Variants in CARS2 observed in about 807,000 individuals in gnomAD.
CARS2 encodes probable cysteine--tRNA ligase, mitochondrial.
Under a neutral mutation model 68.8 loss-of-function variants are expected in CARS2, and 52 were observed. That is an observed-to-expected ratio of 0.76 (90% CI 0.61 to 0.95). The LOEUF is 0.95. CARS2 is among the 40% of genes least tolerant of loss of function. The pLI, the probability that CARS2 is intolerant of heterozygous loss-of-function variation, is 0.00. For synonymous variants in CARS2, 314 were observed against 303.6 expected, an observed-to-expected ratio of 1.03 and a Z score of -0.36; for missense variants, 780 against 754.2, an observed-to-expected ratio of 1.03 and a Z score of -0.40.
intron 9 of CARS2, among the ~76,000 whole-genome samples, chr13:110,660,589 C>T (rs2062476274): frequency 1.3e-5 from 2 of 152,176 alleles, no homozygotes. Context: ...TCCATCAAAG[C>T]TCCTGGATGA....
At chr13:110,646,969 C>T in intron 11 of CARS2, 132 bp downstream of exon 11, 2 of 1,116,832 alleles carry the variant, frequency 1.8e-6, no homozygotes, top group South Asian at 1.7e-5. Context: ...CCTCTCTGGG[C>T]AGTCCCTGAC....
intron 7 of CARS2, among the ~76,000 whole-genome samples, chr13:110,674,553 TAA>T (rs2062891589): frequency 2.0e-5 from 3 of 151,588 alleles, no homozygotes; most frequent in Admixed American, 2.0e-4. Context: ...TACACAAAAT[TAA>T]TTCAAGATGG....
At chr13:110,666,596 C>A (rs757945652) in intron 8 of CARS2, 2 of 985,280 alleles carry the variant, frequency 2.0e-6, no homozygotes, top group African/African-American at 3.5e-5. Flanking sequence ...CTGCTGCGGA[C>A]CAGAAAACCA....
chr13:110,659,550 T>C (rs116920613), intron 9 of CARS2, among the ~76,000 whole-genome samples: 1,626 of 152,100 alleles, frequency 0.011, 14 homozygotes, highest in Middle Eastern at 0.021. Flanking sequence ...TCAGACATAC[T>C]GAAGGGTTGG....
chr13:110,712,813 C>T (rs1287477662), intron 1 of CARS2: 12 of 829,640 alleles, frequency 1.4e-5, no homozygotes, highest in East Asian at 2.6e-5. Flanking sequence ...CTATCCACCT[C>T]TTCTGGGGCT....
rs1378733115 is a variant in CARS2, at chr13:110,676,796, A to G, written c.785+178T>C. Among the ~76,000 whole-genome samples the G allele has an allele frequency of 6.6e-6, 1 of 152,122 alleles. No homozygotes were observed. Among genetic ancestry groups the G allele is most frequent in the Non-Finnish European group, 1.5e-5 (1 of 68,002 alleles). ...TGAGGTCAGGAAAGCTTGATGTGTC[A>G]TGGGTTTCGTTCACCCCGTTCCATG... On this transcript the variant is annotated intron_variant, in intron 7 of 14. Transcript: ENST00000257347. This position sits in a 1 kb window ranked among gnomAD's most constrained non-coding sequence, Gnocchi z 4.0.
At chr13:110,659,579 A>C (rs1172622913) in intron 9 of CARS2, among the ~76,000 whole-genome samples, 2 of 152,156 alleles carry the variant, frequency 1.3e-5, no homozygotes, top group African/African-American at 2.4e-5. Flanking sequence ...CACCACAATA[A>C]AGCGAATATC....
At chr13:110,689,718 T>C (rs1056573733) in intron 3 of CARS2, among the ~76,000 whole-genome samples, 6 of 152,000 alleles carry the variant, frequency 3.9e-5, no homozygotes, top group Non-Finnish European at 5.9e-5. Flanking sequence ...AGAGAGAAAA[T>C]ACACAGCACC....
intron 2 of CARS2, among the ~76,000 whole-genome samples, chr13:110,702,684 G>A (rs1233910715): frequency 3.9e-5 from 6 of 152,232 alleles, no homozygotes; most frequent in Non-Finnish European, 8.8e-5. Context: ...AGAGCTGGCG[G>A]AATGCAGGGT....
chr13:110,713,141 TC>T (rs1244252936), exon 1 of CARS2: 1 of 1,429,880 alleles, frequency 7.0e-7, no homozygotes, highest in African/African-American at 1.4e-5. Context: ...ACTCACGGTC[TC>T]CCCGCCTCCT....
chr13:110,687,591 A>C (rs2063336230), intron 5 of CARS2, 130 bp downstream of exon 5: 1 of 605,270 alleles, frequency 1.7e-6, no homozygotes, highest in Non-Finnish European at 2.9e-6. Flanking sequence ...AGACGGGAGA[A>C]TCGCTTGAAC....
chr13:110,710,670 C>G (rs908372596), upstream of CARS2, among the ~76,000 whole-genome samples: 1 of 152,120 alleles, frequency 6.6e-6, no homozygotes, highest in African/African-American at 2.4e-5. Flanking sequence ...TGTTTTATTG[C>G]TTGATCTTCT....
intron 11 of CARS2, 71 bp downstream of exon 11, chr13:110,647,030 C>A: frequency 6.8e-7 from 1 of 1,473,808 alleles, no homozygotes; most frequent in South Asian, 1.3e-5. Flanking sequence ...TCTTCCCCTT[C>A]AAGAGCCCAC....
At chr13:110,647,031 A>T (rs996832388) in intron 11 of CARS2, 70 bp downstream of exon 11, 77 of 1,474,342 alleles carry the variant, frequency 5.2e-5, no homozygotes, top group Non-Finnish European at 6.8e-5. Context: ...CTTCCCCTTC[A>T]AGAGCCCACC....
At chr13:110,666,736 A>G (rs1207108709) in intron 8 of CARS2, 1 of 985,438 alleles carries the variant, frequency 1.0e-6, no homozygotes, top group Non-Finnish European at 1.2e-6. Context: ...TCCTATCACT[A>G]CCAAACACTC....
At chr13:110,713,454 C>G in exon 1 of CARS2, 2 of 991,508 alleles carry the variant, frequency 2.0e-6, no homozygotes, top group Non-Finnish European at 2.4e-6. Flanking sequence ...AAGTTTGCGC[C>G]TCGCCCGCCG....
intron 14 of CARS2, among the ~76,000 whole-genome samples, chr13:110,641,967 T>C (rs1021569573): frequency 6.6e-6 from 1 of 152,314 alleles, no homozygotes; most frequent in African/African-American, 2.4e-5. Context: ...TTTGGGAGGC[T>C]GAGGTGGGAG....
rs373225257 is a variant in CARS2 at position 110,653,757 on chromosome 13, T to G, written c.988-2657A>C. 7.2e-5 allele frequency among the ~76,000 whole-genome samples: 11 copies of G among 152,306 alleles called. No homozygotes were observed. The South Asian group carries it at 2.3e-3, about 32-fold the overall frequency. ...AATCTAATCTTTCTAGAGCATTGAG[T>G]TTATACGGACTAAAGGAGAAACATA... On this transcript the variant is annotated intron_variant, in intron 9 of 14. Transcript: ENST00000257347. The surrounding 1 kb of genome is among the most constrained non-coding windows in gnomAD (Gnocchi z 5.6).
intron 9 of CARS2, among the ~76,000 whole-genome samples, chr13:110,655,526 G>A (rs1014194523): frequency 1.3e-5 from 2 of 152,214 alleles, no homozygotes; most frequent in East Asian, 1.9e-4. Context: ...ACACGACTGT[G>A]TGTGAAGGGA....
Sources: gnomAD v4.1 joint callset for allele counts (sites outside exome capture counted in the v4.1 genomes callset) on GRCh38, gnomAD v4.1.1 for gene constraint, Gnocchi (gnomAD v3.1) non-coding constraint, MANE v1.5 for transcripts, NCBI Gene and HGNC (gene_info 2026-07-23, HGNC 2026-07-21) for gene names.